The following RBFOX1 variants were observed in gnomAD, a reference collection of about 807,000 sequenced individuals.
The protein encoded by RBFOX1 is RNA binding fox-1 homolog 1.
RBFOX1 carries 8 observed loss-of-function variants against 57.7 expected under a neutral mutation model. That is an observed-to-expected ratio of 0.14 (90% CI 0.08 to 0.25). The LOEUF (loss-of-function observed/expected upper bound fraction) is 0.25, where lower values mean the gene tolerates loss of function less well. Ranked by LOEUF, RBFOX1 falls within the 10% of genes least tolerant of loss-of-function variation. The pLI is 1.00. For missense variants in RBFOX1, 611 were observed against 548.5 expected (o/e 1.11, Z -1.14); for synonymous variants, 326 against 222.4 (o/e 1.47, Z -4.15).
intron 14 of RBFOX1, among the ~76,000 whole-genome samples, chr16:7,694,712 G>T (rs898878917): frequency 3.3e-5 from 5 of 152,162 alleles, no homozygotes. Context: ...GAATTGCTGG[G>T]AGTGGCAGGG....
intron 1 of RBFOX1, among the ~76,000 whole-genome samples, chr16:5,446,012 T>C (rs1251754837): frequency 2.0e-5 from 3 of 152,108 alleles, no homozygotes; most frequent in Non-Finnish European, 2.9e-5. Flanking sequence ...ATCACATTGA[T>C]TTTTTGTTGA....
chr16:5,447,613 A>T (rs910962753), intron 1 of RBFOX1, among the ~76,000 whole-genome samples: 2 of 151,984 alleles, frequency 1.3e-5, no homozygotes, highest in African/African-American at 4.8e-5. Flanking sequence ...GGCCAGGCTG[A>T]TGTCAAACTC....
chr16:5,703,832 G>C (rs1164830031), intron 3 of RBFOX1, among the ~76,000 whole-genome samples: 3 of 151,958 alleles, frequency 2.0e-5, no homozygotes, highest in Admixed American at 2.0e-4. Flanking sequence ...CATGATGTAG[G>C]GATATTATTA....
At chr16:6,628,944 T>G (rs924870329) in intron 2 of RBFOX1, among the ~76,000 whole-genome samples, 1 of 152,082 alleles carries the variant, frequency 6.6e-6, no homozygotes, top group Non-Finnish European at 1.5e-5. Flanking sequence ...ACAGGAGAAT[T>G]GCTTGAACCC....
chr16:6,933,396 A>G (rs1271054254), intron 3 of RBFOX1, among the ~76,000 whole-genome samples: 1 of 152,186 alleles, frequency 6.6e-6, no homozygotes, highest in Non-Finnish European at 1.5e-5. Context: ...CATTGCCAAC[A>G]CTTATATTCA....
intron 2 of RBFOX1, among the ~76,000 whole-genome samples, chr16:6,586,906 G>A (rs1168052118): frequency 1.3e-5 from 2 of 152,052 alleles, no homozygotes; most frequent in Non-Finnish European, 2.9e-5. Context: ...ACTAAAAATT[G>A]TATATTATGT....
intron 2 of RBFOX1, among the ~76,000 whole-genome samples, chr16:5,489,024 A>G (rs759378542): frequency 6.6e-6 from 1 of 152,214 alleles, no homozygotes; most frequent in Non-Finnish European, 1.5e-5. Flanking sequence ...CTGCATTTTC[A>G]TACATAAGAA....
chr16:7,396,072 C>G (rs1443369255), intron 4 of RBFOX1, among the ~76,000 whole-genome samples: 1 of 151,996 alleles, frequency 6.6e-6, no homozygotes, highest in South Asian at 2.1e-4. Flanking sequence ...GTTCTGGATT[C>G]CCCAGGGTGC....
intron 1 of RBFOX1, among the ~76,000 whole-genome samples, chr16:5,264,515 C>T (rs2062812102): frequency 6.6e-6 from 1 of 152,142 alleles, no homozygotes; most frequent in Non-Finnish European, 1.5e-5. Context: ...GGTGAAAGAC[C>T]ACCAGCTGTC....
rs75942279 is a variant in RBFOX1, at chr16:7,225,178, T to C, written c.27+173080T>C. Among the ~76,000 whole-genome samples the C allele has an allele frequency of 5.6e-3, 855 of 152,292 alleles. 10 individuals are homozygous for C. The highest frequency in any genetic ancestry group is 0.02 in the African/African-American group (822 of 41,568). ...CATGGTCACCCTAGGACAGGAAGCA[T>C]GAATCTAGTTTGTAAGTGCACGTGA... On this transcript the variant is annotated intron_variant, in intron 4 of 15. Coordinates refer to ENST00000550418, the MANE Select transcript of RBFOX1 (RefSeq NM_018723.4).
chr16:6,303,334 ATTT>A (rs35430919), intron 1 of RBFOX1, among the ~76,000 whole-genome samples: 37,364 of 148,222 alleles, frequency 0.25, 5,728 homozygotes, highest in East Asian at 0.51. Flanking sequence ...TATTAAATAG[ATTT>A]TTTTTTTTTT....
chr16:5,730,036 C>T (rs921876233), intron 3 of RBFOX1, among the ~76,000 whole-genome samples: 1 of 152,188 alleles, frequency 6.6e-6, no homozygotes, highest in Non-Finnish European at 1.5e-5. Context: ...CATCTAGACT[C>T]AATTCCACTT....
chr16:6,961,751 C>G (rs571082438), intron 3 of RBFOX1, among the ~76,000 whole-genome samples: 2 of 152,112 alleles, frequency 1.3e-5, no homozygotes, highest in African/African-American at 4.8e-5. Context: ...TGTTTCACGG[C>G]GTTTTTAAAT....
At chr16:6,070,713 A>G (rs750544423) in intron 1 of RBFOX1, among the ~76,000 whole-genome samples, 5 of 152,070 alleles carry the variant, frequency 3.3e-5, no homozygotes. Flanking sequence ...GTATAACACA[A>G]TTTTGACCCT....
chr16:6,145,999 T>G (rs2152711767), intron 1 of RBFOX1, among the ~76,000 whole-genome samples: 1 of 152,304 alleles, frequency 6.6e-6, no homozygotes, highest in South Asian at 2.1e-4. Flanking sequence ...ATTTGCAAGG[T>G]AGCAGTGTGG....
At chr16:6,280,953 ATGTG>A (rs148035207) in intron 1 of RBFOX1, among the ~76,000 whole-genome samples, 3 of 148,870 alleles carry the variant, frequency 2.0e-5, no homozygotes, top group Non-Finnish European at 4.4e-5. Context: ...CTAGCAACAT[ATGTG>A]TGTGTGTGTG....
intron 4 of RBFOX1, among the ~76,000 whole-genome samples, chr16:7,196,263 T>C (rs1210968047): frequency 1.3e-5 from 2 of 152,202 alleles, no homozygotes; most frequent in East Asian, 1.9e-4. Context: ...ATGGTGAATG[T>C]AATGTTCTTG....
At chr16:5,893,508 G>C (rs2058092159) in intron 4 of RBFOX1, among the ~76,000 whole-genome samples, 1 of 152,092 alleles carries the variant, frequency 6.6e-6, no homozygotes, top group African/African-American at 2.4e-5. Context: ...GCATACCTGT[G>C]TCCATCTGTT....
At chr16:5,551,148 G>T (rs77497482) in intron 2 of RBFOX1, among the ~76,000 whole-genome samples, 3 of 152,194 alleles carry the variant, frequency 2.0e-5, no homozygotes, top group Non-Finnish European at 1.5e-5. Context: ...GAGAGTTGAG[G>T]TGTTTTTCTT....
Sources: allele counts gnomAD v4.1 joint callset (sites outside exome capture counted in the v4.1 genomes callset), GRCh38; gene constraint gnomAD v4.1.1; transcripts MANE v1.5; gene names NCBI Gene and HGNC (gene_info 2026-07-23, HGNC 2026-07-21).